The following LTBP1 variants were observed in gnomAD, a reference collection of about 807,000 sequenced individuals.
LTBP1 encodes the protein latent-transforming growth factor beta-binding protein 1.
Under a neutral mutation model 207.6 loss-of-function variants are expected in LTBP1, and 129 were observed. The observed-to-expected ratio is 0.62, with a 90% CI of 0.54 to 0.72. The LOEUF is 0.72. Ranked by LOEUF, LTBP1 falls within the 30% of genes least tolerant of loss-of-function variation. The pLI, the probability that LTBP1 is intolerant of heterozygous loss-of-function variation, is 0.00. For synonymous variants in LTBP1, 963 were observed against 833.7 expected, an observed-to-expected ratio of 1.16 and a Z score of -2.67; for missense variants, 2,281 against 2,217.2, an observed-to-expected ratio of 1.03 and a Z score of -0.58.
chr2:33,120,283 AC>A (rs1337192571), intron 4 of LTBP1, among the ~76,000 whole-genome samples: 1 of 152,122 alleles, frequency 6.6e-6, no homozygotes, highest in Non-Finnish European at 1.5e-5. Context: ...TTATTTCATC[AC>A]CCAGGTATTA....
chr2:33,363,659 T>C, intron 29 of LTBP1, 141 bp downstream of exon 29: 1 of 906,928 alleles, frequency 1.1e-6, no homozygotes, highest in Non-Finnish European at 1.6e-6. Flanking sequence ...GATCTTTTTC[T>C]TAAGCACAAT....
chr2:33,119,879 T>C (rs1281597182), intron 4 of LTBP1, among the ~76,000 whole-genome samples: 2 of 152,194 alleles, frequency 1.3e-5, no homozygotes, highest in East Asian at 3.8e-4. Context: ...TCTTATATTT[T>C]ATATGTGACA....
At chr2:33,291,927 A>C (rs1373458174) in intron 19 of LTBP1, 1 of 152,208 alleles carries the variant, frequency 6.6e-6, no homozygotes, top group Non-Finnish European at 1.5e-5. Flanking sequence ...TGAAAAGTGA[A>C]ACAGATGCTG....
intron 3 of LTBP1, among the ~76,000 whole-genome samples, chr2:33,083,532 G>T (rs184642843): frequency 2.0e-5 from 3 of 152,098 alleles, no homozygotes; most frequent in African/African-American, 7.2e-5. Context: ...ACAGGAGAGG[G>T]GGGAATCTGG....
chr2:33,148,181 G>T (rs78600459), intron 5 of LTBP1, among the ~76,000 whole-genome samples: 7 of 152,194 alleles, frequency 4.6e-5, no homozygotes, highest in Admixed American at 4.6e-4. Context: ...ATATATTTGC[G>T]TAGGTCCATC....
intron 2 of LTBP1, among the ~76,000 whole-genome samples, chr2:32,980,154 T>C (rs1212246296): frequency 6.6e-6 from 1 of 152,138 alleles, no homozygotes; most frequent in Non-Finnish European, 1.5e-5. Context: ...GTTTAGTCCA[T>C]TTACATTCAG....
At chr2:33,136,896 C>A (rs543316056) in intron 5 of LTBP1, among the ~76,000 whole-genome samples, 4 of 152,262 alleles carry the variant, frequency 2.6e-5, no homozygotes, top group Non-Finnish European at 4.4e-5. Flanking sequence ...CTCCACTCTC[C>A]ATATAGGATC....
intron 23 of LTBP1, among the ~76,000 whole-genome samples, chr2:33,313,545 G>A (rs930040372): frequency 6.6e-6 from 1 of 152,204 alleles, no homozygotes; most frequent in African/African-American, 2.4e-5. Context: ...CAGTATTCAT[G>A]TGGGTTCCTG....
chr2:33,294,494 G>A (rs1277171166), intron 20 of LTBP1, among the ~76,000 whole-genome samples: 2 of 151,846 alleles, frequency 1.3e-5, no homozygotes, highest in African/African-American at 4.8e-5. Context: ...ACCACACCTG[G>A]CTAGGTCTCT....
At position 33,024,723 on chromosome 2, in the gene LTBP1, C is replaced by A. The variant is rs1018427893; in HGVS notation, c.863+3517C>A. 9.8e-5 allele frequency among the ~76,000 whole-genome samples: 15 copies of A among 152,286 alleles called. No homozygotes were observed. In the East Asian group the frequency reaches 2.1e-3, roughly 22 times the overall value. ...GATGGTTGGATTCAGATACATACAA[C>A]TGGAGGAGAAGGGTGTATCCAGGGG... On this transcript the variant is annotated intron_variant, in intron 3 of 33. Coordinates refer to ENST00000404816, the MANE Select transcript of LTBP1 (RefSeq NM_206943.4).
At chr2:33,231,214 A>G (rs1402218628) in intron 9 of LTBP1, among the ~76,000 whole-genome samples, 1 of 152,212 alleles carries the variant, frequency 6.6e-6, no homozygotes, top group Admixed American at 6.5e-5. Flanking sequence ...TGAGCCCGTT[A>G]AAGGAAATAG....
At chr2:33,245,479 A>T (rs2092479792) in intron 10 of LTBP1, among the ~76,000 whole-genome samples, 1 of 152,244 alleles carries the variant, frequency 6.6e-6, no homozygotes, top group Admixed American at 6.5e-5. Flanking sequence ...TCAACTGCAG[A>T]TTAGGAAGTT....
chr2:33,235,597 T>G (rs1254323973), intron 9 of LTBP1, among the ~76,000 whole-genome samples: 1 of 152,194 alleles, frequency 6.6e-6, no homozygotes, highest in East Asian at 1.9e-4. Context: ...TAAAGACACA[T>G]GCACACATAT....
chr2:32,947,967 T>G, intron 1 of LTBP1, 149 bp downstream of exon 1: 3 of 603,530 alleles, frequency 5.0e-6, no homozygotes, highest in Non-Finnish European at 7.2e-6. Context: ...CCGCCTGCTC[T>G]GGGCGCCGCG....
chr2:33,316,185 A>ATTATAGCTTGCTAAATGGAGGAATC (rs1388845057), intron 24 of LTBP1, among the ~76,000 whole-genome samples: 2 of 22,992 alleles, frequency 8.7e-5, no homozygotes, highest in Non-Finnish European at 2.2e-4. Context: ...TCTTGATGAT[A>ATTATAGCTTGCTAAATGGAGGAATC]ATTTACCTGA....
At chr2:33,073,487 C>A (rs1428878748) in intron 3 of LTBP1, among the ~76,000 whole-genome samples, 1 of 152,126 alleles carries the variant, frequency 6.6e-6, no homozygotes. Flanking sequence ...ATGAGAACTG[C>A]AACGCTTTTT....
intron 23 of LTBP1, among the ~76,000 whole-genome samples, chr2:33,314,128 C>T (rs2094227823): frequency 6.6e-6 from 1 of 152,190 alleles, no homozygotes; most frequent in Non-Finnish European, 1.5e-5. Context: ...ATGGCATGAT[C>T]TGTTCATGAG....
chr2:33,167,162 G>A (rs569816042), intron 5 of LTBP1, among the ~76,000 whole-genome samples: 2 of 152,046 alleles, frequency 1.3e-5, no homozygotes, highest in Non-Finnish European at 2.9e-5. Flanking sequence ...GCCAAAAAAA[G>A]AATTATTTGC....
intron 2 of LTBP1, among the ~76,000 whole-genome samples, chr2:32,953,833 C>G (rs996218186): frequency 6.6e-6 from 1 of 152,158 alleles, no homozygotes; most frequent in South Asian, 2.1e-4. Context: ...TGTTCGAGAG[C>G]TCAAATTAAA....
Sources: gnomAD v4.1 joint callset for allele counts (sites outside exome capture counted in the v4.1 genomes callset) on GRCh38, gnomAD v4.1.1 for gene constraint, MANE v1.5 for transcripts, NCBI Gene and HGNC (gene_info 2026-07-23, HGNC 2026-07-21) for gene names.